CAB39L: variants seen among roughly 807,000 people sequenced by gnomAD.
The protein encoded by CAB39L is calcium-binding protein 39-like.
In CAB39L, 23 loss-of-function variants were observed where a neutral mutation model predicts 39.1. That is an observed-to-expected ratio of 0.59 (90% confidence interval 0.42 to 0.83). The LOEUF is 0.83. CAB39L is among the 40% of genes least tolerant of loss of function. CAB39L has a pLI of 0.00. For missense variants in CAB39L, 366 were observed against 391.9 expected (o/e 0.93, Z 0.56); for synonymous variants, 126 against 137.2 (o/e 0.92, Z 0.57).
chr13:49,316,088 A>C lies in CAB39L; in HGVS notation c.835-5095T>G, dbSNP rs912396271. 1.3e-5 allele frequency among the ~76,000 whole-genome samples: 2 copies of C among 152,152 alleles called. 1 individual carries two copies. Among genetic ancestry groups the C allele is most frequent in the Non-Finnish European group, 2.9e-5 (2 of 68,030 alleles). ...AACCCAAAAGTTGGTTCTTTGAAAA[A>C]AATTAATAAAATTGATAAACCTTTA... On this transcript the variant is annotated intron_variant, in intron 10 of 10. Transcript: ENST00000409308.
At position 49,377,060 on chromosome 13, in the gene CAB39L, G is replaced by C; in HGVS notation, c.183C>G (p.Pro61=). The change falls in exon 5 of 11, where the codon CCC becomes CCG. Residue 61 remains proline (P), a synonymous_variant. Coordinates refer to ENST00000409308, the MANE Select transcript of CAB39L (RefSeq NM_001079670.3). Reference sequence around the variant, plus strand: ...CTAGCTGAGCCACTGCTTCTGTTGGGGGTTCTTTCTCGTTTGTACCACACA... The same window carrying C: ...CTAGCTGAGCCACTGCTTCTGTTGGCGGTTCTTTCTCGTTTGTACCACACA... ...EILCGTNEKE[P]PTEAVAQLAQ... The C allele has an allele frequency of 1.9e-6, 3 of 1,613,444 alleles. No homozygotes were observed. Among genetic ancestry groups the C allele is most frequent in the Non-Finnish European group, 2.5e-6 (3 of 1,179,494 alleles).
chr13:49,352,627 CAAA>C (rs1810811913), intron 6 of CAB39L, among the ~76,000 whole-genome samples: 1 of 151,906 alleles, frequency 6.6e-6, no homozygotes, highest in South Asian at 2.1e-4. Context: ...CCTGACTTTA[CAAA>C]AACTAAAAAA....
intron 7 of CAB39L, among the ~76,000 whole-genome samples, chr13:49,348,639 G>C (rs1955249240): frequency 6.6e-6 from 1 of 152,180 alleles, no homozygotes; most frequent in Non-Finnish European, 1.5e-5. Flanking sequence ...TGTTGCTTAA[G>C]CCTGCCCTGG....
At chr13:49,312,878 T>C (rs1954036430) in intron 10 of CAB39L, among the ~76,000 whole-genome samples, 1 of 152,220 alleles carries the variant, frequency 6.6e-6, no homozygotes, top group Non-Finnish European at 1.5e-5. Context: ...AGAGTCTCTT[T>C]TTAAACAAAT....
At chr13:49,405,644 A>G (rs1209392792) in intron 3 of CAB39L, among the ~76,000 whole-genome samples, 1 of 151,270 alleles carries the variant, frequency 6.6e-6, no homozygotes, top group African/African-American at 2.4e-5. Context: ...TTGCTGGCAC[A>G]TGATTGAACC....
At chr13:49,437,738 T>C (rs1461439906) in intron 1 of CAB39L, among the ~76,000 whole-genome samples, 1 of 152,244 alleles carries the variant, frequency 6.6e-6, no homozygotes, top group East Asian at 1.9e-4. Flanking sequence ...TTTCTCTTGT[T>C]AACCTACTGT....
chr13:49,329,572 TATATATATATATATATATATATATA>T (rs1954623381), intron 10 of CAB39L, among the ~76,000 whole-genome samples: 1 of 79,186 alleles, frequency 1.3e-5, no homozygotes, highest in African/African-American at 5.2e-5. Flanking sequence ...TATATATATA[TATATATATATATATATATATATATA>T]ATGATGTAAT....
intron 3 of CAB39L, among the ~76,000 whole-genome samples, chr13:49,395,225 T>C (rs1008907815): frequency 1.3e-5 from 2 of 151,562 alleles, no homozygotes; most frequent in Non-Finnish European, 2.9e-5. Context: ...CTGATTGTCA[T>C]GTCTTTTCTT....
intron 3 of CAB39L, among the ~76,000 whole-genome samples, chr13:49,398,681 T>C (rs1035190793): frequency 6.6e-6 from 1 of 152,152 alleles, no homozygotes; most frequent in African/African-American, 2.4e-5. Context: ...TCATTACATA[T>C]GCATATTGCA....
At chr13:49,421,580 T>C (rs1957171896) in intron 3 of CAB39L, among the ~76,000 whole-genome samples, 3 of 152,108 alleles carry the variant, frequency 2.0e-5, no homozygotes, top group South Asian at 4.2e-4. Context: ...AGGAGACTTG[T>C]TGAGTGCTGG....
chr13:49,365,606 C>T (rs937899539), intron 5 of CAB39L, among the ~76,000 whole-genome samples: 8 of 152,274 alleles, frequency 5.3e-5, no homozygotes, highest in African/African-American at 1.4e-4. Flanking sequence ...TATCCTCTCA[C>T]GACAGTTAAA....
intron 6 of CAB39L, among the ~76,000 whole-genome samples, chr13:49,359,403 G>A (rs1955570526): frequency 6.6e-6 from 1 of 152,116 alleles, no homozygotes; most frequent in African/African-American, 2.4e-5. Flanking sequence ...AAAAGGGTAA[G>A]TGGGCAGCTA....
At chr13:49,405,749 G>GGAAGGAA (rs1566122271) in intron 3 of CAB39L, among the ~76,000 whole-genome samples, 86 of 144,880 alleles carry the variant, frequency 5.9e-4, no homozygotes, top group Non-Finnish European at 9.0e-4. Context: ...AAGGAAGGAA[G>GGAAGGAA]GGAGGGAGGG....
chr13:49,418,076 C>T (rs1957114082), intron 3 of CAB39L, among the ~76,000 whole-genome samples: 2 of 152,200 alleles, frequency 1.3e-5, no homozygotes, highest in Admixed American at 6.5e-5. Flanking sequence ...TGAAAACATA[C>T]ACCCATACAA....
At chr13:49,341,678 G>A (rs995074725) in intron 8 of CAB39L, among the ~76,000 whole-genome samples, 6 of 152,122 alleles carry the variant, frequency 3.9e-5, no homozygotes, top group African/African-American at 1.4e-4. Context: ...GCACAGTAGG[G>A]TGACTATAGT....
In CAB39L at chr13:49,351,025, T is replaced by C; in HGVS notation, c.396-113A>G. ...TATTAATGGAAGCATACATACCATTTGTCACGATTCATTCAATATCCACTG... is the reference window on the plus strand; with the variant it reads ...TATTAATGGAAGCATACATACCATTCGTCACGATTCATTCAATATCCACTG... On this transcript the variant is annotated intron_variant, in intron 6 of 10. Coordinates refer to ENST00000409308, the MANE Select transcript of CAB39L (RefSeq NM_001079670.3). 3 of 700,964 alleles carry C rather than the reference T, an allele frequency of 4.3e-6. No homozygotes were observed. In the Admixed American group the frequency reaches 1.1e-4, roughly 25 times the overall value. The allele number at this position is 700,964 out of a possible 1,614,324, so 43.4% of individuals were successfully genotyped here. A position where few individuals can be genotyped will look rare whatever the true frequency, so the allele number is the denominator to read the frequency against.
At chr13:49,441,256 A>G (rs961699148) in intron 1 of CAB39L, among the ~76,000 whole-genome samples, 1 of 121,034 alleles carries the variant, frequency 8.3e-6, no homozygotes, top group African/African-American at 4.4e-5. Flanking sequence ...CCCTTTTCCC[A>G]TATATTTATA....
chr13:49,440,667 A>G (rs889066255), intron 1 of CAB39L, among the ~76,000 whole-genome samples: 1 of 150,576 alleles, frequency 6.6e-6, no homozygotes, highest in East Asian at 2.0e-4. Flanking sequence ...AGTGTCTTGT[A>G]GTTCTTGTAG....
chr13:49,353,666 C>T (rs1407974051), intron 6 of CAB39L, among the ~76,000 whole-genome samples: 2 of 152,064 alleles, frequency 1.3e-5, no homozygotes, highest in African/African-American at 4.8e-5. Context: ...ACTCAAATAA[C>T]AGCTTGTCTG....
Sources: gnomAD v4.1 joint callset for allele counts (sites outside exome capture counted in the v4.1 genomes callset) on GRCh38, gnomAD v4.1.1 for gene constraint, MANE v1.5 for transcripts, NCBI Gene and HGNC (gene_info 2026-07-23, HGNC 2026-07-21) for gene names.